GNG4: variants seen among roughly 807,000 people sequenced by gnomAD.
The protein encoded by GNG4 is G protein subunit gamma 4.
In GNG4, 4 loss-of-function variants were observed where a neutral mutation model predicts 5.8. The observed-to-expected ratio is 0.69, with a 90% CI of 0.34 to 1.57. The LOEUF (loss-of-function observed/expected upper bound fraction) is 1.57. Ranked by LOEUF, GNG4 falls within the 40% of genes most tolerant of loss-of-function variation. The pLI, the probability that GNG4 is intolerant of heterozygous loss-of-function variation, is 0.06. For synonymous variants in GNG4, 29 were observed against 32.9 expected (o/e 0.88, Z 0.41); for missense variants, 96 against 95.1 (o/e 1.01, Z -0.04).
intron 3 of GNG4, among the ~76,000 whole-genome samples, chr1:235,581,893 C>T (rs183042206): frequency 8.4e-4 from 128 of 152,288 alleles, no homozygotes; most frequent in African/African-American, 2.9e-3. Flanking sequence ...GCTCCTGGGG[C>T]GGTGTCTGTG....
chr1:235,640,826 G>A (rs1439704435), intron 1 of GNG4, among the ~76,000 whole-genome samples: 4 of 152,222 alleles, frequency 2.6e-5, no homozygotes, highest in Admixed American at 2.0e-4. Flanking sequence ...GCCGCTTGGC[G>A]CCTGGCAGGT....
At chr1:235,566,510 A>G in intron 3 of GNG4, among the ~76,000 whole-genome samples, 1 of 152,186 alleles carries the variant, frequency 6.6e-6, no homozygotes, top group East Asian at 1.9e-4. Flanking sequence ...CTGATTCTAC[A>G]TTATGGTGAG....
At chr1:235,568,156 C>CTTT (rs748725987) in intron 3 of GNG4, among the ~76,000 whole-genome samples, 6 of 67,840 alleles carry the variant, frequency 8.8e-5, no homozygotes, top group African/African-American at 4.7e-4. Flanking sequence ...AATAAATCTG[C>CTTT]TTTTTTTTTT....
In GNG4 at chr1:235,577,442, T is replaced by A. The variant is rs576446695; in HGVS notation, c.99+6298A>T. ...TCCTTGGAAAATCCATCTCAGTGTTTTCTTTTTTTTTCTTTTTAGGTAGAG... is the reference window on the plus strand; with the variant it reads ...TCCTTGGAAAATCCATCTCAGTGTTATCTTTTTTTTTCTTTTTAGGTAGAG... On this transcript the variant is annotated intron_variant, in intron 3 of 3. Coordinates refer to ENST00000391854, the MANE Select transcript of GNG4 (RefSeq NM_001098722.2). Among the ~76,000 whole-genome samples, 4 of 152,136 alleles carry A rather than the reference T, an allele frequency of 2.6e-5. No individual in the cohort carries two copies. In the East Asian group the frequency reaches 7.7e-4, roughly 29 times the overall value.
chr1:235,573,862 G>A (rs1482755238), intron 3 of GNG4, among the ~76,000 whole-genome samples: 4 of 152,104 alleles, frequency 2.6e-5, no homozygotes, highest in Non-Finnish European at 5.9e-5. Context: ...ATTGTACATC[G>A]GGGGAAAATA....
chr1:235,554,689 C>CA (rs539436791), intron 3 of GNG4, among the ~76,000 whole-genome samples: 5 of 151,856 alleles, frequency 3.3e-5, no homozygotes, highest in Admixed American at 3.3e-4. Context: ...ACAAAAAATA[C>CA]AAAAAATTAG....
chr1:235,602,087 C>T (rs1247951321), intron 1 of GNG4, among the ~76,000 whole-genome samples: 3 of 152,168 alleles, frequency 2.0e-5, no homozygotes, highest in African/African-American at 7.2e-5. Context: ...GCCTGGCCAA[C>T]ATAGTGAAAC....
At chr1:235,580,620 G>C (rs1008357082) in intron 3 of GNG4, among the ~76,000 whole-genome samples, 4 of 151,936 alleles carry the variant, frequency 2.6e-5, no homozygotes, top group Non-Finnish European at 4.4e-5. Context: ...TGACACAGCT[G>C]TCACTGGCCT....
chr1:235,597,627 TGTA>T (rs1390046451), intron 1 of GNG4, among the ~76,000 whole-genome samples: 33 of 97,224 alleles, frequency 3.4e-4, no homozygotes, highest in Non-Finnish European at 4.8e-4. Context: ...TGTGTGTGTG[TGTA>T]TTTTTTTTTT....
At chr1:235,575,605 T>C (rs566341001) in intron 3 of GNG4, among the ~76,000 whole-genome samples, 2 of 152,352 alleles carry the variant, frequency 1.3e-5, no homozygotes, top group South Asian at 4.1e-4. Flanking sequence ...CCACGGATGT[T>C]GAAATTATCT....
chr1:235,600,129 T>TTTTTTTTTTTTTTTA (rs1289825136), intron 1 of GNG4, among the ~76,000 whole-genome samples: 2 of 113,110 alleles, frequency 1.8e-5, no homozygotes, highest in African/African-American at 3.4e-5. Context: ...TTTTTTTTTT[T>TTTTTTTTTTTTTTTA]AGACAGGCAG....
At chr1:235,570,226 G>C (rs1045542758) in intron 3 of GNG4, among the ~76,000 whole-genome samples, 3 of 152,050 alleles carry the variant, frequency 2.0e-5, no homozygotes, top group Non-Finnish European at 2.9e-5. Flanking sequence ...CACTCCATCT[G>C]TTTCTTTTGT....
In GNG4 at chr1:235,644,550, C is replaced by T. The variant is rs1657447924; in HGVS notation, c.-123+5112G>A. On this transcript the variant is annotated intron_variant, in intron 1 of 3. Transcript: ENST00000391854. This position sits in a 1 kb window ranked among gnomAD's most constrained non-coding sequence, Gnocchi z 5.9. ...AGGTCTCCTTAACCAGGCTGCAGTC[C>T]CCTAGTACCCTGCCATGCAGCCCCA... is the stretch of plus-strand genomic sequence containing the variant. Among the ~76,000 whole-genome samples the T allele has an allele frequency of 6.6e-6, 1 of 152,182 alleles. No homozygotes were observed. Among genetic ancestry groups the T allele is most frequent in the African/African-American group, 2.4e-5 (1 of 41,436 alleles).
intron 1 of GNG4, among the ~76,000 whole-genome samples, chr1:235,627,160 G>A (rs1459420156): frequency 1.3e-5 from 2 of 151,766 alleles, no homozygotes; most frequent in Non-Finnish European, 2.9e-5. Flanking sequence ...CCTAGCCTGG[G>A]GTTTTCACAC....
At chr1:235,608,081 G>A (rs954059435) in intron 1 of GNG4, among the ~76,000 whole-genome samples, 1 of 152,058 alleles carries the variant, frequency 6.6e-6, no homozygotes, top group African/African-American at 2.4e-5. Flanking sequence ...GGGACTACAG[G>A]CGCACGCCAC....
chr1:235,631,822 C>T (rs957077101), intron 1 of GNG4, among the ~76,000 whole-genome samples: 2 of 152,198 alleles, frequency 1.3e-5, no homozygotes, highest in Non-Finnish European at 2.9e-5. Flanking sequence ...CCTGCCTTGG[C>T]CTCCCAAAGT....
At chr1:235,609,882 G>A (rs61397821) in intron 1 of GNG4, among the ~76,000 whole-genome samples, 16,250 of 151,058 alleles carry the variant, frequency 0.11, 2,594 homozygotes, top group African/African-American at 0.35. Context: ...CTCAAAAAAA[G>A]AAAAGAAAAA....
chr1:235,614,440 TTC>T lies in GNG4; in HGVS notation c.-122-18931_-122-18930del, dbSNP rs200509684. The stretch of plus-strand genomic sequence containing the variant: ...TTTCCTTTCTCTGCTTCTTTTGAAT[TTC>T]TCTCTCTCTCTCTTTAGTTTATTAA... On this transcript the variant is annotated intron_variant, in intron 1 of 3. Coordinates refer to ENST00000391854, the MANE Select transcript of GNG4 (RefSeq NM_001098722.2). Among the ~76,000 whole-genome samples, 121 of 152,152 alleles carry T rather than the reference TTC, an allele frequency of 8.0e-4. 3 individuals carry two copies. The East Asian group carries it at 0.02, about 26-fold the overall frequency.
chr1:235,633,825 G>A (rs190498943), intron 1 of GNG4, among the ~76,000 whole-genome samples: 28 of 152,306 alleles, frequency 1.8e-4, no homozygotes, highest in African/African-American at 6.3e-4. Flanking sequence ...CTGGTGGTGG[G>A]TGAAGAAGCA....
Sources: gnomAD v4.1 joint callset for allele counts (sites outside exome capture counted in the v4.1 genomes callset) on GRCh38, gnomAD v4.1.1 for gene constraint, Gnocchi (gnomAD v3.1) non-coding constraint, MANE v1.5 for transcripts, NCBI Gene and HGNC (gene_info 2026-07-23, HGNC 2026-07-21) for gene names.